Variants in CSMD1 observed in about 807,000 individuals in gnomAD.
The protein encoded by CSMD1 is CUB and sushi domain-containing protein 1.
Under a neutral mutation model 417.5 loss-of-function variants are expected in CSMD1, and 213 were observed. That is an observed-to-expected ratio of 0.51 (90% CI 0.46 to 0.57). CSMD1 has a LOEUF of 0.57. CSMD1 is among the 20% of genes least tolerant of loss of function. The pLI, the probability that CSMD1 is intolerant of heterozygous loss-of-function variation, is 0.00. For synonymous variants in CSMD1, 2,862 were observed against 1,736.8 expected (o/e 1.65, Z -16.11); for missense variants, 6,923 against 4,529.7 (o/e 1.53, Z -15.17).
intron 3 of CSMD1, among the ~76,000 whole-genome samples, chr8:4,201,120 A>T (rs192301963): frequency 1.3e-5 from 2 of 152,344 alleles, no homozygotes; most frequent in African/African-American, 4.8e-5. Context: ...GTGACTTTGC[A>T]TATCAATTAC....
intron 3 of CSMD1, among the ~76,000 whole-genome samples, chr8:4,344,919 G>C (rs12676910): frequency 0.027 from 4,094 of 152,206 alleles, 58 homozygotes; most frequent in Middle Eastern, 0.041. Flanking sequence ...CTATGCAACA[G>C]GTTGTGGTCA....
At chr8:3,474,788 C>G (rs56728497) in intron 11 of CSMD1, among the ~76,000 whole-genome samples, 31,530 of 152,102 alleles carry the variant, frequency 0.21, 3,771 homozygotes, top group Middle Eastern at 0.26. Context: ...ACTAGTCTTG[C>G]TTTCTTTAAC....
intron 68 of CSMD1, among the ~76,000 whole-genome samples, chr8:2,944,259 C>A (rs551565238): frequency 6.6e-6 from 1 of 152,110 alleles, no homozygotes; most frequent in Non-Finnish European, 1.5e-5. Context: ...AAGCGAGGGA[C>A]GCAAAACATT....
intron 6 of CSMD1, among the ~76,000 whole-genome samples, chr8:3,735,997 T>A (rs1266324224): frequency 6.6e-6 from 1 of 151,908 alleles, no homozygotes; most frequent in Non-Finnish European, 1.5e-5. Context: ...TCAGTGGGAA[T>A]AAGTGCGGTG....
intron 2 of CSMD1, among the ~76,000 whole-genome samples, chr8:4,443,369 G>C (rs1282387712): frequency 6.6e-6 from 1 of 152,128 alleles, no homozygotes; most frequent in African/African-American, 2.4e-5. Flanking sequence ...TGAAACAACG[G>C]CTTTGATAAC....
chr8:3,936,072 A>C (rs1387308329), intron 5 of CSMD1, among the ~76,000 whole-genome samples: 2 of 152,150 alleles, frequency 1.3e-5, no homozygotes, highest in African/African-American at 4.8e-5. Flanking sequence ...AAAAGACCAA[A>C]GCAGCCGCAA....
chr8:4,348,835 C>T (rs189614444), intron 3 of CSMD1, among the ~76,000 whole-genome samples: 1 of 152,156 alleles, frequency 6.6e-6, no homozygotes, highest in African/African-American at 2.4e-5. Flanking sequence ...AATCAATAAG[C>T]TTTTAAGGTA....
At chr8:3,059,896 A>T (rs887419860) in intron 49 of CSMD1, among the ~76,000 whole-genome samples, 1 of 152,100 alleles carries the variant, frequency 6.6e-6, no homozygotes, top group Admixed American at 6.6e-5. Context: ...ACTTCAGGGC[A>T]AGTAGATTCA....
intron 21 of CSMD1, 107 bp from the exon 22 acceptor site, chr8:3,348,268 G>T (rs1250087078): frequency 2.5e-6 from 2 of 786,770 alleles, no homozygotes; most frequent in East Asian, 2.8e-5. Context: ...ATCAACGTAT[G>T]TGTGTTAGTA....
chr8:2,986,480 T>C (rs1363436223), intron 54 of CSMD1, among the ~76,000 whole-genome samples: 1 of 152,114 alleles, frequency 6.6e-6, no homozygotes, highest in East Asian at 1.9e-4. Flanking sequence ...CCTACACAGA[T>C]ATTAATATTT....
At chr8:4,574,068 G>T (rs934265288) in intron 2 of CSMD1, among the ~76,000 whole-genome samples, 2 of 152,106 alleles carry the variant, frequency 1.3e-5, no homozygotes, top group African/African-American at 2.4e-5. Context: ...CTCCATGGGG[G>T]TGGGACCCAC....
chr8:3,686,294 T>A (rs544119368), intron 7 of CSMD1, among the ~76,000 whole-genome samples: 25 of 152,256 alleles, frequency 1.6e-4, no homozygotes, highest in African/African-American at 6.0e-4. Flanking sequence ...AAGAGACGTG[T>A]CATTGACAGC....
intron 1 of CSMD1, among the ~76,000 whole-genome samples, chr8:4,751,192 C>A (rs761642840): frequency 6.6e-6 from 1 of 152,148 alleles, no homozygotes; most frequent in African/African-American, 2.4e-5. Context: ...CCAGACCAGC[C>A]TGGCCAACAT....
At chr8:4,538,319 G>T (rs1797207625) in intron 2 of CSMD1, among the ~76,000 whole-genome samples, 1 of 151,584 alleles carries the variant, frequency 6.6e-6, no homozygotes. Flanking sequence ...AACTTCTCCA[G>T]AGTTCATATT....
At chr8:3,763,400 G>C (rs2129056650) in intron 5 of CSMD1, among the ~76,000 whole-genome samples, 1 of 152,190 alleles carries the variant, frequency 6.6e-6, no homozygotes, top group Non-Finnish European at 1.5e-5. Context: ...TAATGAGTAA[G>C]TTCTCACTCT....
chr8:4,468,358 TA>T (rs1800318211), intron 2 of CSMD1, among the ~76,000 whole-genome samples: 1 of 152,210 alleles, frequency 6.6e-6, no homozygotes, highest in African/African-American at 2.4e-5. Flanking sequence ...CAAAACCTTT[TA>T]AAAACCATTA....
At chr8:3,153,469 G>A (rs1354162210) in intron 39 of CSMD1, among the ~76,000 whole-genome samples, 1 of 152,116 alleles carries the variant, frequency 6.6e-6, no homozygotes, top group Non-Finnish European at 1.5e-5. Flanking sequence ...ACCCTCTCCT[G>A]GGGTGTGGAT....
At chr8:4,613,940 T>C (rs776489525) in intron 2 of CSMD1, among the ~76,000 whole-genome samples, 8 of 152,046 alleles carry the variant, frequency 5.3e-5, no homozygotes, top group Non-Finnish European at 1.2e-4. Context: ...AGAAGTTTTC[T>C]TTTGTATTGT....
At chr8:3,994,303 C>A (rs1461935201) in intron 5 of CSMD1, among the ~76,000 whole-genome samples, 1 of 152,016 alleles carries the variant, frequency 6.6e-6, no homozygotes, top group African/African-American at 2.4e-5. Flanking sequence ...GTGTTCCCAG[C>A]CAAGACTATA....
Sources: allele counts gnomAD v4.1 joint callset (sites outside exome capture counted in the v4.1 genomes callset), GRCh38; gene constraint gnomAD v4.1.1; transcripts MANE v1.5; gene names NCBI Gene and HGNC (gene_info 2026-07-23, HGNC 2026-07-21).